GALNTL6: variants seen among roughly 807,000 people sequenced by gnomAD.
GALNTL6 encodes polypeptide N-acetylgalactosaminyltransferase-like 6.
Under a neutral mutation model 73.7 loss-of-function variants are expected in GALNTL6, and 46 were observed. The ratio of observed to expected loss-of-function variants is 0.62; its 90% CI spans 0.49 to 0.80. The LOEUF is 0.80. GALNTL6 is among the 30% of genes least tolerant of loss of function. The pLI, the probability that GALNTL6 is intolerant of heterozygous loss-of-function variation, is 0.00. For missense variants in GALNTL6, 604 were observed against 755.0 expected (o/e 0.80, Z 2.34); for synonymous variants, 259 against 263.7 (o/e 0.98, Z 0.17).
intron 5 of GALNTL6, among the ~76,000 whole-genome samples, chr4:172,393,614 A>G (rs1207477610): frequency 6.6e-6 from 1 of 152,210 alleles, no homozygotes; most frequent in Non-Finnish European, 1.5e-5. Context: ...TTTACATAGC[A>G]TACGAAAATA....
At chr4:171,983,168 G>A (rs759848564) in intron 2 of GALNTL6, among the ~76,000 whole-genome samples, 7 of 152,132 alleles carry the variant, frequency 4.6e-5, no homozygotes, top group Non-Finnish European at 1.0e-4. Context: ...CCTTAGTCAC[G>A]TTTTGGTGTA....
chr4:172,669,261 G>A (rs1041573250), intron 5 of GALNTL6: 23 of 152,206 alleles, frequency 1.5e-4, no homozygotes, highest in Admixed American at 2.6e-4. Context: ...GTGGCTGAGG[G>A]CAATGAGCTT....
At chr4:171,905,214 G>C (rs199621839) in intron 2 of GALNTL6, among the ~76,000 whole-genome samples, 1 of 151,710 alleles carries the variant, frequency 6.6e-6, no homozygotes, top group South Asian at 2.1e-4. Flanking sequence ...TGGATAAAGA[G>C]TCAAGACCCA....
chr4:171,939,545 A>C (rs974702206), intron 2 of GALNTL6, among the ~76,000 whole-genome samples: 1 of 152,030 alleles, frequency 6.6e-6, no homozygotes, highest in African/African-American at 2.4e-5. Context: ...AATCTCATTA[A>C]TTAATTAGAA....
intron 2 of GALNTL6, among the ~76,000 whole-genome samples, chr4:172,023,647 A>C (rs562510546): frequency 1.3e-5 from 2 of 152,042 alleles, no homozygotes; most frequent in East Asian, 3.9e-4. Context: ...TCTAGAAATC[A>C]ATGTATTTTT....
At chr4:172,517,452 G>A (rs1468125462) in intron 5 of GALNTL6, among the ~76,000 whole-genome samples, 3 of 152,058 alleles carry the variant, frequency 2.0e-5, no homozygotes, top group Non-Finnish European at 2.9e-5. Flanking sequence ...AGAAGGTGGA[G>A]GTCGTATACT....
chr4:172,654,945 G>A lies in GALNTL6; in HGVS notation c.554-154416G>A, dbSNP rs140148130. On this transcript the variant is annotated intron_variant, in intron 5 of 12. Coordinates refer to ENST00000506823, the MANE Select transcript of GALNTL6 (RefSeq NM_001034845.3). ...ATATCATAACTTTACCTATTTTACAGATGAAGAAAATGAGACATTGAGAGG... is the reference window on the plus strand; with the variant it reads ...ATATCATAACTTTACCTATTTTACAAATGAAGAAAATGAGACATTGAGAGG... Among the ~76,000 whole-genome samples, 9 of 152,204 alleles carry A rather than the reference G, an allele frequency of 5.9e-5. No individual in the cohort carries two copies. In the East Asian group the frequency reaches 1.5e-3, roughly 26 times the overall value.
At chr4:172,857,225 C>T (rs1560995805) in intron 7 of GALNTL6, among the ~76,000 whole-genome samples, 1 of 152,180 alleles carries the variant, frequency 6.6e-6, no homozygotes, top group African/African-American at 2.4e-5. Context: ...TCCCTTGCCC[C>T]TGAAGCCTGG....
At chr4:172,636,878 T>C (rs571377936) in intron 5 of GALNTL6, among the ~76,000 whole-genome samples, 2 of 152,218 alleles carry the variant, frequency 1.3e-5, no homozygotes, top group Non-Finnish European at 2.9e-5. Flanking sequence ...GGCTTTTTTC[T>C]TCTTCCTAAT....
chr4:172,882,867 T>C lies in GALNTL6; in HGVS notation c.1001T>C (p.Leu334Ser). The change falls in exon 8 of 13, where the codon TTA (leucine) becomes TCA (serine). Residue 334 changes from leucine to serine, a missense_variant. Physicochemically the swap from Leu to Ser is moderately radical, Grantham distance 145. Around this residue, in one of 5 missense-constraint regions of GALNTL6, gnomAD observed 179 missense variants for 230.8 expected, o/e 0.78. Coordinates refer to ENST00000506823, the MANE Select transcript of GALNTL6 (RefSeq NM_001034845.3). Reference sequence around the variant, plus strand: ...GAATTGGGTGGCTATGATCCAGGTTTAGAAATCTGGGGAGGAGAACAGTAT... The same window carrying C: ...GAATTGGGTGGCTATGATCCAGGTTCAGAAATCTGGGGAGGAGAACAGTAT... ...FWELGGYDPG[L>S]EIWGGEQYEI... 1 of 1,611,694 alleles carries C rather than the reference T, an allele frequency of 6.2e-7. No homozygotes were observed. Among genetic ancestry groups the C allele is most frequent in the Non-Finnish European group, 8.5e-7 (1 of 1,177,922 alleles).
At chr4:172,433,095 T>G (rs1731516139) in intron 5 of GALNTL6, among the ~76,000 whole-genome samples, 1 of 152,104 alleles carries the variant, frequency 6.6e-6, no homozygotes, top group Non-Finnish European at 1.5e-5. Context: ...AATGTTTGAG[T>G]TATGATGTGT....
chr4:172,912,002 G>A (rs1747227101), intron 8 of GALNTL6, among the ~76,000 whole-genome samples: 1 of 152,008 alleles, frequency 6.6e-6, no homozygotes, highest in African/African-American at 2.4e-5. Context: ...CTATTTTTCT[G>A]GTTGCCATTT....
chr4:172,924,855 A>G (rs1332862861), intron 8 of GALNTL6, among the ~76,000 whole-genome samples: 1 of 151,996 alleles, frequency 6.6e-6, no homozygotes, highest in Non-Finnish European at 1.5e-5. Flanking sequence ...GTATGCTCAG[A>G]TTTATGTTTT....
At chr4:172,241,300 G>A (rs1187825212) in intron 3 of GALNTL6, among the ~76,000 whole-genome samples, 2 of 151,998 alleles carry the variant, frequency 1.3e-5, no homozygotes, top group East Asian at 1.9e-4. Flanking sequence ...TATACGCAGT[G>A]GAAGGCATGT....
At chr4:172,366,880 A>C (rs1273670399) in intron 5 of GALNTL6, among the ~76,000 whole-genome samples, 1 of 152,234 alleles carries the variant, frequency 6.6e-6, no homozygotes, top group Non-Finnish European at 1.5e-5. Flanking sequence ...AGGATGAAGA[A>C]TATCACCTTT....
chr4:171,958,900 G>C (rs1262742136), intron 2 of GALNTL6, among the ~76,000 whole-genome samples: 1 of 152,008 alleles, frequency 6.6e-6, no homozygotes, highest in Non-Finnish European at 1.5e-5. Flanking sequence ...CACCATGCTT[G>C]TTAAATGAAA....
chr4:172,975,363 G>C (rs1044188996), intron 10 of GALNTL6, among the ~76,000 whole-genome samples: 5 of 152,162 alleles, frequency 3.3e-5, no homozygotes, highest in African/African-American at 1.2e-4. Context: ...ACCAGAATTG[G>C]GTAGCTCCTT....
At chr4:171,960,819 G>A (rs1227058590) in intron 2 of GALNTL6, among the ~76,000 whole-genome samples, 1 of 151,594 alleles carries the variant, frequency 6.6e-6, no homozygotes, top group Non-Finnish European at 1.5e-5. Flanking sequence ...ACTGATGGGA[G>A]CACCTAAGGT....
rs56303472 is a variant in GALNTL6 at position 172,476,636 on chromosome 4, T to C, written c.553+127947T>C. On this transcript the variant is annotated intron_variant, in intron 5 of 12. Coordinates refer to ENST00000506823, the MANE Select transcript of GALNTL6 (RefSeq NM_001034845.3). ...GGTAGCACACTGTGTGTCCTGTGTA[T>C]GTATCTTTCATGGAGCGCTGAATAA... 7.1e-3 allele frequency among the ~76,000 whole-genome samples: 1,087 copies of C among 152,306 alleles called. 10 individuals are homozygous for C. The highest frequency in any genetic ancestry group is 0.011 in the Admixed American group (169 of 15,296).
Sources: gnomAD v4.1 joint callset for allele counts (sites outside exome capture counted in the v4.1 genomes callset) on GRCh38, gnomAD v4.1.1 for gene constraint, gnomAD v4.1.1 regional missense constraint, MANE v1.5 for transcripts, NCBI Gene and HGNC (gene_info 2026-07-23, HGNC 2026-07-21) for gene names.